Variants in RBBP8 observed in about 807,000 individuals in gnomAD.
RBBP8 encodes DNA endonuclease RBBP8.
In RBBP8, 88 loss-of-function variants were observed where a neutral mutation model predicts 108.3. The observed-to-expected ratio is 0.81, with a 90% confidence interval of 0.68 to 0.97. The LOEUF (loss-of-function observed/expected upper bound fraction) is 0.97, where lower values mean the gene tolerates loss of function less well. Ranked by LOEUF, RBBP8 falls within the 50% of genes least tolerant of loss-of-function variation. The pLI is 0.00. For synonymous variants in RBBP8, 332 were observed against 348.2 expected (o/e 0.95, Z 0.52); for missense variants, 1,023 against 1,049.0 (o/e 0.98, Z 0.34).
intron 3 of RBBP8, among the ~76,000 whole-genome samples, chr18:22,921,349 C>T (rs1000398082): frequency 1.3e-5 from 2 of 152,188 alleles, no homozygotes; most frequent in Admixed American, 6.5e-5. Flanking sequence ...GAGCACTTAT[C>T]CACAACTTCT....
chr18:22,949,489 TC>T (rs2144487725), intron 3 of RBBP8, 128 bp from the exon 4 acceptor site: 1 of 714,894 alleles, frequency 1.4e-6, no homozygotes, highest in Non-Finnish European at 2.4e-6. Flanking sequence ...TACAAGATAT[TC>T]CAACCTGACC....
rs757747543 is a variant in RBBP8, at chr18:22,993,047, TTATAAA to T, written c.1223_1228del (p.Ile408_Asn409del). 44 of 1,612,764 alleles carry T rather than the reference TTATAAA, an allele frequency of 2.7e-5. No individual in the cohort carries two copies. In the Middle Eastern group the frequency reaches 1.2e-3, roughly 42 times the overall value. ...ATCCAGTCATCTAATAAACAGATAC[TTATAAA>T]TAAAAATATAAGTGAATCCCTAGGT... On this transcript the variant is annotated inframe_deletion, in exon 11 of 19. Transcript: ENST00000327155.
chr18:23,025,997 G>C, intron 18 of RBBP8, 146 bp from the exon 19 acceptor site: 1 of 699,754 alleles, frequency 1.4e-6, no homozygotes, highest in Non-Finnish European at 2.5e-6. Flanking sequence ...TAAATAGTGA[G>C]ATCAATCATC....
At chr18:22,999,377 G>A (rs2045910160) in intron 14 of RBBP8, among the ~76,000 whole-genome samples, 1 of 152,156 alleles carries the variant, frequency 6.6e-6, no homozygotes, top group African/African-American at 2.4e-5. Context: ...GAGTGAATTG[G>A]CATCTCCTCA....
chr18:22,950,169 T>C (rs1235780556), intron 4 of RBBP8: 1 of 159,404 alleles, frequency 6.3e-6, no homozygotes, highest in Non-Finnish European at 1.4e-5. Context: ...CACAGACTTC[T>C]TTCTTTCCCA....
At chr18:22,939,038 C>T (rs1159823344) in intron 2 of RBBP8, among the ~76,000 whole-genome samples, 2 of 152,188 alleles carry the variant, frequency 1.3e-5, no homozygotes, top group Non-Finnish European at 2.9e-5. Context: ...TACTTTAATT[C>T]TGTAACTTTC....
intron 6 of RBBP8, among the ~76,000 whole-genome samples, chr18:22,976,280 G>A (rs1028601443): frequency 8.5e-5 from 13 of 152,106 alleles, no homozygotes; most frequent in African/African-American, 3.1e-4. Context: ...ATAATAGTCA[G>A]ATGAGGAAAG....
At chr18:22,954,781 A>AG (rs1201297850) in intron 4 of RBBP8, among the ~76,000 whole-genome samples, 2 of 152,172 alleles carry the variant, frequency 1.3e-5, no homozygotes, top group Non-Finnish European at 2.9e-5. Flanking sequence ...ATCATGGCGA[A>AG]GGGGGAGTAA....
chr18:22,948,171 A>G (rs908066994), intron 3 of RBBP8, among the ~76,000 whole-genome samples: 1 of 152,074 alleles, frequency 6.6e-6, no homozygotes, highest in Non-Finnish European at 1.5e-5. Context: ...TAAATTTTCA[A>G]TGTAATATTT....
chr18:23,010,905 A>G (rs1331123325), intron 16 of RBBP8, among the ~76,000 whole-genome samples: 1 of 152,222 alleles, frequency 6.6e-6, no homozygotes, highest in South Asian at 2.1e-4. Flanking sequence ...GAGATTCCCT[A>G]CGTCACGATA....
chr18:23,022,205 C>T lies in RBBP8; in HGVS notation c.2531C>T (p.Pro844Leu). Residue 844 changes from proline (P) to leucine (L), a missense_variant, in exon 18 of 19, where the codon CCA becomes CTA. Coordinates refer to ENST00000327155, the MANE Select transcript of RBBP8 (RefSeq NM_002894.3). ...TCAAGACACCGATTCCGCTACATTC[C>T]ACCCAACACACCAGAGAATTTTTGG... ...SCSRHRFRYI[P>L]PNTPENFWEV... The T allele has an allele frequency of 6.2e-7, 1 of 1,611,934 alleles. No homozygotes were observed. The highest frequency in any genetic ancestry group is 8.5e-7 in the Non-Finnish European group (1 of 1,178,022).
chr18:22,965,189 C>G (rs1386920232), intron 4 of RBBP8, among the ~76,000 whole-genome samples: 1 of 151,678 alleles, frequency 6.6e-6, no homozygotes, highest in East Asian at 1.9e-4. Flanking sequence ...ATTATTTCTT[C>G]CAGATTTTTT....
At chr18:22,919,509 G>A (rs922095334) in intron 3 of RBBP8, among the ~76,000 whole-genome samples, 1 of 152,158 alleles carries the variant, frequency 6.6e-6, no homozygotes, top group African/African-American at 2.4e-5. Context: ...TGTGCAGAAA[G>A]ACAAAAGCAT....
Position 22,976,262 on chromosome 18 carries a change from G to A in RBBP8, c.428+1043G>A, listed in dbSNP as rs371208310. Among the ~76,000 whole-genome samples, 197 of 152,230 alleles carry A rather than the reference G, an allele frequency of 1.3e-3. No homozygotes were observed. The Middle Eastern group carries it at 0.014, about 11-fold the overall frequency. ...AATACTGATAGCCAAAGGGAATTTT[G>A]AGGAGAAATAATAGTCAGATGAGGA... On this transcript the variant is annotated intron_variant, in intron 6 of 18. Coordinates refer to ENST00000327155, the MANE Select transcript of RBBP8 (RefSeq NM_002894.3).
At chr18:22,941,695 C>T (rs937894952) in intron 2 of RBBP8, among the ~76,000 whole-genome samples, 6 of 151,952 alleles carry the variant, frequency 3.9e-5, no homozygotes, top group Non-Finnish European at 8.8e-5. Flanking sequence ...AAGTGTACTC[C>T]TCATGGTTAT....
intron 3 of RBBP8, among the ~76,000 whole-genome samples, chr18:22,948,234 G>A (rs886361424): frequency 6.6e-6 from 1 of 151,960 alleles, no homozygotes; most frequent in Non-Finnish European, 1.5e-5. Flanking sequence ...ATACATGTTG[G>A]CAGTCTGTTT....
intron 18 of RBBP8, among the ~76,000 whole-genome samples, chr18:23,024,431 G>T (rs143183407): frequency 3.0e-4 from 45 of 152,184 alleles, no homozygotes; most frequent in Middle Eastern, 6.8e-3. Flanking sequence ...CATACCAAGT[G>T]TACTTGAATG....
chr18:22,962,644 C>T (rs9953479), intron 4 of RBBP8, among the ~76,000 whole-genome samples: 74,300 of 151,374 alleles, frequency 0.49, 21,599 homozygotes, highest in Middle Eastern at 0.67. Context: ...GCAACCTCCA[C>T]CTCTCGGGTT....
chr18:22,952,585 A>T (rs1479409472), intron 4 of RBBP8, among the ~76,000 whole-genome samples: 1 of 152,150 alleles, frequency 6.6e-6, no homozygotes, highest in East Asian at 1.9e-4. Context: ...GATGATTCCA[A>T]CTTTTAGCAC....
Sources: gnomAD v4.1 joint callset for allele counts (sites outside exome capture counted in the v4.1 genomes callset) on GRCh38, gnomAD v4.1.1 for gene constraint, MANE v1.5 for transcripts, NCBI Gene and HGNC (gene_info 2026-07-23, HGNC 2026-07-21) for gene names.